MSH3: variants seen among roughly 807,000 people sequenced by gnomAD.
MSH3 encodes the protein mutS homolog 3, also known as DNA mismatch repair protein Msh3.
MSH3 carries 106 observed loss-of-function variants against 123.3 expected under a neutral mutation model. That is an observed-to-expected ratio of 0.86 (90% CI 0.73 to 1.01). MSH3 has a LOEUF of 1.01. Ranked by LOEUF, MSH3 falls within the 50% of genes least tolerant of loss-of-function variation. The pLI is 0.00. For synonymous variants in MSH3, 515 were observed against 481.4 expected, an observed-to-expected ratio of 1.07 and a Z score of -0.91; for missense variants, 1,459 against 1,347.6, an observed-to-expected ratio of 1.08 and a Z score of -1.29.
In MSH3 at chr5:80,864,884, G is replaced by T; in HGVS notation, c.3072G>T (p.Gln1024His). ...AACTAGAAAAAAATTACTCACACCA[G>T]GTGGGGAATTACCACATGGGATTCT... ...VCELEKNYSH[Q>H]VGNYHMGFLV... Residue 1024 changes from glutamine to histidine, a missense_variant, in exon 22 of 24, where the codon CAG (glutamine) becomes CAT (histidine). Physicochemically the swap from Gln to His is conservative, Grantham distance 24 (BLOSUM62 0). Transcript: ENST00000265081. 1 of 1,613,258 alleles carries T rather than the reference G, an allele frequency of 6.2e-7. No homozygotes were observed. Among genetic ancestry groups the T allele is most frequent in the Non-Finnish European group, 8.5e-7 (1 of 1,179,252 alleles).
chr5:80,656,401 C>T lies in MSH3; in HGVS notation c.238-10C>T, dbSNP rs757461973. ...AGATAACACATCATTTTCTAACCTT[C>T]CCGATATAGGCTACAGAAATTGACA... On this transcript the variant is annotated splice_polypyrimidine_tract_variant and intron_variant, in intron 1 of 23. Transcript: ENST00000265081. 2.5e-6 allele frequency: 4 copies of T among 1,613,958 alleles called. No individual in the cohort carries two copies. The South Asian group carries it at 3.3e-5, about 13-fold the overall frequency.
chr5:80,726,870 G>A (rs753054590), intron 9 of MSH3, among the ~76,000 whole-genome samples: 3 of 152,104 alleles, frequency 2.0e-5, no homozygotes, highest in African/African-American at 4.8e-5. Context: ...TGACCTATCC[G>A]TGGTACCAGA....
chr5:80,842,724 G>A (rs1745649480), intron 20 of MSH3, among the ~76,000 whole-genome samples: 1 of 152,086 alleles, frequency 6.6e-6, no homozygotes, highest in Admixed American at 6.5e-5. Context: ...TTGGTGTATA[G>A]GAATGCTTGT....
chr5:80,774,173 T>C (rs555641638), intron 15 of MSH3, among the ~76,000 whole-genome samples: 16 of 152,212 alleles, frequency 1.1e-4, no homozygotes, highest in Admixed American at 1.0e-3. Flanking sequence ...GCTTCCTGGC[T>C]GATTTCAGAG....
chr5:80,818,730 T>C (rs906800487), intron 20 of MSH3, among the ~76,000 whole-genome samples: 1 of 152,192 alleles, frequency 6.6e-6, no homozygotes, highest in African/African-American at 2.4e-5. Context: ...ACCCAAGATA[T>C]ACATCACAAT....
intron 3 of MSH3, among the ~76,000 whole-genome samples, chr5:80,668,994 C>A (rs1164631835): frequency 1.3e-5 from 2 of 152,350 alleles, no homozygotes; most frequent in East Asian, 3.9e-4. Context: ...ACGGCAGTGG[C>A]TGCTCCAGAT....
At chr5:80,870,453 T>G (rs950619049) in intron 22 of MSH3, among the ~76,000 whole-genome samples, 2 of 152,220 alleles carry the variant, frequency 1.3e-5, no homozygotes, top group Non-Finnish European at 2.9e-5. Context: ...TGCCTTTCAC[T>G]TCACTCTTAG....
In MSH3 at chr5:80,675,081, G is replaced by A; in HGVS notation, c.1126G>A (p.Glu376Lys). 1 of 1,613,676 alleles carries A rather than the reference G, an allele frequency of 6.2e-7. No homozygotes were observed. Among genetic ancestry groups the A allele is most frequent in the Non-Finnish European group, 8.5e-7 (1 of 1,179,838 alleles). ...TCTTCTGTGCATCTCTGAAAATAAGGAAAATGTTAGGGACAAAAAAAAGGG... is the reference window on the plus strand; with the variant it reads ...TCTTCTGTGCATCTCTGAAAATAAGAAAAATGTTAGGGACAAAAAAAAGGG... ...SYLLCISENK[E>K]NVRDKKKGNI... The change falls in exon 7 of 24, where the codon GAA becomes AAA. Residue 376 changes from glutamate to lysine, a missense_variant. Glu to Lys is a moderately conservative substitution (Grantham distance 56, BLOSUM62 1). Transcript: ENST00000265081.
At position 80,849,940 on chromosome 5, in the gene MSH3, ACT is replaced by A. The variant is rs1326010862; in HGVS notation, c.2814-4187_2814-4186del. Among the ~76,000 whole-genome samples, 8 of 151,984 alleles carry A rather than the reference ACT, an allele frequency of 5.3e-5. No homozygotes were observed. The South Asian group carries it at 1.7e-3, about 32-fold the overall frequency. ...GGCTGCAAATTTTCCAAACTTTTAT[ACT>A]CTGTTTCCATTATAAAACTGAGTGC... On this transcript the variant is annotated intron_variant, in intron 20 of 23. Transcript: ENST00000265081.
At chr5:80,825,115 T>C (rs1191410320) in intron 20 of MSH3, among the ~76,000 whole-genome samples, 4 of 152,164 alleles carry the variant, frequency 2.6e-5, no homozygotes, top group African/African-American at 9.7e-5. Flanking sequence ...ATGAAATAAT[T>C]CAGACGTATA....
intron 21 of MSH3, among the ~76,000 whole-genome samples, chr5:80,862,322 G>A (rs1246305943): frequency 6.6e-6 from 1 of 152,154 alleles, no homozygotes; most frequent in Non-Finnish European, 1.5e-5. Context: ...TTTTAATAAG[G>A]TGAATGGCAG....
intron 12 of MSH3, among the ~76,000 whole-genome samples, chr5:80,749,288 G>C (rs140728323): frequency 6.6e-6 from 1 of 152,310 alleles, no homozygotes; most frequent in East Asian, 1.9e-4. Flanking sequence ...AGAGTCCCTG[G>C]CAAACCACTG....
chr5:80,741,591 GA>G, intron 11 of MSH3, 43 bp downstream of exon 11: 1 of 1,417,584 alleles, frequency 7.1e-7, no homozygotes, highest in Non-Finnish European at 1.0e-6. Flanking sequence ...ATCGTTTTGG[GA>G]AAAACTTCTG....
At chr5:80,729,111 C>G (rs1057451267) in intron 10 of MSH3, 146 bp downstream of exon 10, 2 of 601,472 alleles carry the variant, frequency 3.3e-6, no homozygotes, top group African/African-American at 3.7e-5. Flanking sequence ...GGTATTGTTG[C>G]TGAAGAATAT....
chr5:80,873,093 G>T (rs919243567), intron 22 of MSH3, 23 bp from the exon 23 acceptor site: 3 of 1,606,520 alleles, frequency 1.9e-6, no homozygotes, highest in Non-Finnish European at 1.7e-6. Flanking sequence ...GCACAGTTTT[G>T]ATCTCCTTTC....
chr5:80,717,124 G>A (rs1032283160), intron 8 of MSH3, among the ~76,000 whole-genome samples: 1 of 152,132 alleles, frequency 6.6e-6, no homozygotes, highest in Non-Finnish European at 1.5e-5. Flanking sequence ...GGACACTTAG[G>A]CTGAGTCCAT....
intron 8 of MSH3, among the ~76,000 whole-genome samples, chr5:80,698,021 C>A (rs1365125121): frequency 6.6e-6 from 1 of 152,128 alleles, no homozygotes; most frequent in African/African-American, 2.4e-5. Flanking sequence ...AATCCTCCCA[C>A]CTCAACCTCC....
At chr5:80,818,924 A>G (rs1429594311) in intron 20 of MSH3, among the ~76,000 whole-genome samples, 1 of 152,234 alleles carries the variant, frequency 6.6e-6, no homozygotes, top group African/African-American at 2.4e-5. Flanking sequence ...CATTTGAGAA[A>G]GAGATAAGAT....
chr5:80,693,514 TGC>T, intron 8 of MSH3, among the ~76,000 whole-genome samples: 1 of 150,236 alleles, frequency 6.7e-6, no homozygotes, highest in South Asian at 2.1e-4. Context: ...TATATAAATA[TGC>T]ACATGTATAT....
Sources: gnomAD v4.1 joint callset for allele counts (sites outside exome capture counted in the v4.1 genomes callset) on GRCh38, gnomAD v4.1.1 for gene constraint, MANE v1.5 for transcripts, NCBI Gene and HGNC (gene_info 2026-07-23, HGNC 2026-07-21) for gene names.